Variants in RUFY2 observed in about 807,000 individuals in gnomAD.
RUFY2 encodes RUN and FYVE domain containing 2, also known as RUN and FYVE domain-containing protein 2.
In RUFY2, 49 loss-of-function variants were observed where a neutral mutation model predicts 94.4. The ratio of observed to expected loss-of-function variants is 0.52; its 90% CI spans 0.41 to 0.66. RUFY2 has a LOEUF of 0.66. Ranked by LOEUF, RUFY2 falls within the 30% of genes least tolerant of loss-of-function variation. The pLI, the probability that RUFY2 is intolerant of heterozygous loss-of-function variation, is 0.00. For synonymous variants in RUFY2, 255 were observed against 235.7 expected, an observed-to-expected ratio of 1.08 and a Z score of -0.75; for missense variants, 541 against 692.8, an observed-to-expected ratio of 0.78 and a Z score of 2.46.
rs944719937 is a variant in RUFY2, at chr10:68,397,458, G to A, written c.297-577C>T. Among the ~76,000 whole-genome samples, 9 of 151,912 alleles carry A rather than the reference G, an allele frequency of 5.9e-5. No individual in the cohort carries two copies. In the South Asian group the frequency reaches 8.3e-4, roughly 14 times the overall value. ...CTATAAGAAATATTTAGGTGGGCAC[G>A]GTGGCTGACACCTGTCATCCCTACA... On this transcript the variant is annotated intron_variant, in intron 3 of 17. Coordinates refer to ENST00000602465, the MANE Select transcript of RUFY2 (RefSeq NM_001330103.2).
intron 1 of RUFY2, chr10:68,405,779 G>T: frequency 2.3e-6 from 2 of 888,654 alleles, no homozygotes; most frequent in Non-Finnish European, 2.7e-6. Flanking sequence ...TTTTCAAAGA[G>T]AAAATAAAAG....
chr10:68,347,019 T>C (rs973526849), intron 16 of RUFY2, among the ~76,000 whole-genome samples: 1 of 152,024 alleles, frequency 6.6e-6, no homozygotes, highest in African/African-American at 2.4e-5. Flanking sequence ...CTCTGGAGGC[T>C]GAGAAGGGAG....
At chr10:68,404,619 C>T in intron 2 of RUFY2, 52 bp downstream of exon 2, 1 of 1,381,842 alleles carries the variant, frequency 7.2e-7, no homozygotes, top group Non-Finnish European at 9.6e-7. Flanking sequence ...CTCAAGGGCA[C>T]TTGAAAAACG....
downstream of RUFY2, chr10:68,343,162 GTTA>G (rs1292155842): frequency 6.6e-6 from 1 of 152,176 alleles, no homozygotes; most frequent in Non-Finnish European, 1.5e-5. Context: ...TGCCAGAAAT[GTTA>G]TTAATAAATG....
chr10:68,398,528 C>G (rs1241252604), intron 3 of RUFY2, among the ~76,000 whole-genome samples: 1 of 151,782 alleles, frequency 6.6e-6, no homozygotes, highest in Non-Finnish European at 1.5e-5. Flanking sequence ...GGCATGAGCC[C>G]GTAATCCCAG....
intron 1 of RUFY2, chr10:68,406,773 C>T (rs1390198230): frequency 5.0e-6 from 8 of 1,611,746 alleles, no homozygotes; most frequent in Admixed American, 1.7e-5. Context: ...TGCGCGTCAG[C>T]ATTCCCCGTC....
intron 11 of RUFY2, 116 bp from the exon 12 acceptor site, chr10:68,379,637 G>T: frequency 1.6e-6 from 1 of 640,356 alleles, no homozygotes; most frequent in Non-Finnish European, 2.6e-6. Context: ...GGTTGGATTT[G>T]AACTTCTGGG....
At chr10:68,402,784 A>G (rs2050950102) in intron 2 of RUFY2, among the ~76,000 whole-genome samples, 1 of 150,370 alleles carries the variant, frequency 6.7e-6, no homozygotes, top group Admixed American at 6.7e-5. Context: ...AATATCGCAC[A>G]GCTATTAATT....
At chr10:68,406,169 CAACA>C (rs2051280013) in intron 1 of RUFY2, among the ~76,000 whole-genome samples, 1 of 144,594 alleles carries the variant, frequency 6.9e-6, no homozygotes, top group Non-Finnish European at 1.6e-5. Flanking sequence ...CTTCACTGAA[CAACA>C]ACAACAACAA....
chr10:68,376,450 A>G (rs1158721873), intron 13 of RUFY2, among the ~76,000 whole-genome samples: 290 of 15,466 alleles, frequency 0.019, 10 homozygotes, highest in African/African-American at 0.059. Context: ...GTGTATATAT[A>G]TATATATATA....
At chr10:68,395,715 T>C (rs1358766549) in intron 4 of RUFY2, among the ~76,000 whole-genome samples, 1 of 152,220 alleles carries the variant, frequency 6.6e-6, no homozygotes, top group Non-Finnish European at 1.5e-5. Flanking sequence ...TCTCATGCCT[T>C]CTTTAATAAG....
intron 15 of RUFY2, among the ~76,000 whole-genome samples, chr10:68,359,619 A>G (rs1184262882): frequency 6.8e-6 from 1 of 146,640 alleles, no homozygotes; most frequent in South Asian, 2.2e-4. Context: ...TATATATATA[A>G]AAATATACAT....
chr10:68,401,652 T>TA lies in RUFY2; in HGVS notation c.263dup (p.Gly89ArgfsTer3). On this transcript the variant is annotated frameshift_variant, in exon 3 of 18. Coordinates refer to ENST00000602465, the MANE Select transcript of RUFY2 (RefSeq NM_001330103.2). LOFTEE classifies it high-confidence loss of function. The stretch of plus-strand genomic sequence containing the variant: ...CAGGTAGATCCCGGACACTAGCTCC[T>TA]ATTTCCTCTGCTTCGGGGTACAGCT... 1 of 1,613,734 alleles carries TA rather than the reference T, an allele frequency of 6.2e-7. No individual in the cohort carries two copies. The highest frequency in any genetic ancestry group is 8.5e-7 in the Non-Finnish European group (1 of 1,179,640).
chr10:68,365,188 A>G (rs2047720080), intron 13 of RUFY2, among the ~76,000 whole-genome samples: 1 of 152,212 alleles, frequency 6.6e-6, no homozygotes, highest in African/African-American at 2.4e-5. Context: ...TGAAGAGAAG[A>G]GTACCTGAAA....
At chr10:68,371,541 G>A (rs1319986905) in intron 13 of RUFY2, among the ~76,000 whole-genome samples, 2 of 150,480 alleles carry the variant, frequency 1.3e-5, no homozygotes, top group African/African-American at 4.9e-5. Context: ...GCAGAGAGCC[G>A]AGATCGCGCC....
Position 68,393,122 on chromosome 10 carries a change from T to G in RUFY2, c.650+16A>C. 1 of 1,349,952 alleles carries G rather than the reference T, an allele frequency of 7.4e-7. No homozygotes were observed. The highest frequency in any genetic ancestry group is 1.0e-6 in the Non-Finnish European group (1 of 963,530). The allele number at this position is 1,349,952 out of a possible 1,614,324, so 83.6% of individuals were successfully genotyped here. A position where few individuals can be genotyped will look rare whatever the true frequency, so the allele number is the denominator to read the frequency against. ...AGACAATATTCATAAATGTGCTAAG[T>G]ATCCATAATACTTACTTCAGTTGTC... is the stretch of plus-strand genomic sequence containing the variant. On this transcript the variant is annotated intron_variant, in intron 7 of 17. Coordinates refer to ENST00000602465, the MANE Select transcript of RUFY2 (RefSeq NM_001330103.2).
intron 12 of RUFY2, chr10:68,378,189 G>C: frequency 1.0e-6 from 1 of 991,150 alleles, no homozygotes. Flanking sequence ...ATTGGGCAAA[G>C]AGTGGGCCAA....
intron 11 of RUFY2, among the ~76,000 whole-genome samples, chr10:68,379,791 T>C (rs1032101233): frequency 6.6e-6 from 1 of 151,912 alleles, no homozygotes; most frequent in African/African-American, 2.4e-5. Flanking sequence ...AATTGTGTGA[T>C]ATAAAGCAGT....
At chr10:68,356,301 C>T (rs910154402) in intron 15 of RUFY2, among the ~76,000 whole-genome samples, 7 of 151,894 alleles carry the variant, frequency 4.6e-5, no homozygotes, top group Non-Finnish European at 1.0e-4. Flanking sequence ...GTCAGGAGTT[C>T]GAGACCAGCC....
Sources: gnomAD v4.1 joint callset for allele counts (sites outside exome capture counted in the v4.1 genomes callset) on GRCh38, gnomAD v4.1.1 for gene constraint, MANE v1.5 for transcripts, NCBI Gene and HGNC (gene_info 2026-07-23, HGNC 2026-07-21) for gene names.